ITSN1: variants seen among roughly 807,000 people sequenced by gnomAD.
ITSN1 encodes the protein intersectin-1.
A neutral mutation model predicts 239.8 loss-of-function variants in ITSN1; 58 were observed. The observed-to-expected ratio is 0.24, with a 90% CI of 0.20 to 0.30. The LOEUF (loss-of-function observed/expected upper bound fraction) is 0.30, where lower values mean the gene tolerates loss of function less well. Ranked by LOEUF, ITSN1 falls within the 10% of genes least tolerant of loss-of-function variation. The probability of loss-of-function intolerance (pLI) is 1.00; values close to 1 mark genes in which losing one functional copy is unlikely to be tolerated. For missense variants in ITSN1, 1,558 were observed against 2,103.3 expected, an observed-to-expected ratio of 0.74 and a Z score of 5.07; for synonymous variants, 780 against 770.8, an observed-to-expected ratio of 1.01 and a Z score of -0.20.
chr21:33,758,406 C>T (rs940246892), intron 8 of ITSN1, among the ~76,000 whole-genome samples: 8 of 152,212 alleles, frequency 5.3e-5, no homozygotes, highest in African/African-American at 1.7e-4. Context: ...TGAGCCACCG[C>T]GTCTGGCCTT....
intron 5 of ITSN1, among the ~76,000 whole-genome samples, chr21:33,745,353 G>A (rs2067117406): frequency 1.3e-5 from 2 of 152,316 alleles, no homozygotes; most frequent in Middle Eastern, 3.4e-3. Flanking sequence ...AGAGGGGACT[G>A]TGGATTAAAG....
intron 1 of ITSN1, among the ~76,000 whole-genome samples, chr21:33,659,705 C>CTT (rs71194859): frequency 0.032 from 2,469 of 76,486 alleles, 250 homozygotes; most frequent in Non-Finnish European, 0.045. Context: ...GCAGCCTGTA[C>CTT]TTTTTTTTTT....
At chr21:33,815,202 G>A (rs1427511384) in intron 22 of ITSN1, among the ~76,000 whole-genome samples, 1 of 152,164 alleles carries the variant, frequency 6.6e-6, no homozygotes, top group African/African-American at 2.4e-5. Context: ...CGGATATCAG[G>A]AAATGTGTGA....
intron 29 of ITSN1, among the ~76,000 whole-genome samples, chr21:33,854,291 C>T (rs182645995): frequency 1.3e-5 from 2 of 152,298 alleles, no homozygotes; most frequent in African/African-American, 2.4e-5. Flanking sequence ...ATCACCGCAC[C>T]GTGTTTGTGC....
In ITSN1 at chr21:33,872,065, G is replaced by A. The variant is rs118028813; in HGVS notation, c.4174-3289G>A. Among the ~76,000 whole-genome samples the A allele has an allele frequency of 4.6e-5, 7 of 152,326 alleles. No homozygotes were observed. The East Asian group carries it at 1.2e-3, about 25-fold the overall frequency. On this transcript the variant is annotated intron_variant, in intron 33 of 39. Transcript: ENST00000381318. ...AATGTACAAAAAGTTCACACTCACA[G>A]GTAATAAAAGAAAATACATAACAAA...
At chr21:33,713,828 C>CTTTTTTTTTTTTTTTTTTTTTTT (rs35226795) in intron 1 of ITSN1, among the ~76,000 whole-genome samples, 1 of 89,364 alleles carries the variant, frequency 1.1e-5, no homozygotes, top group Non-Finnish European at 1.9e-5. Context: ...CCAGCCTCAT[C>CTTTTTTTTTTTTTTTTTTTTTTT]TTTTTTTTTT....
intron 31 of ITSN1, among the ~76,000 whole-genome samples, chr21:33,859,716 G>A (rs915626132): frequency 3.3e-5 from 5 of 152,194 alleles, no homozygotes; most frequent in African/African-American, 1.2e-4. Flanking sequence ...CCACTTTCCT[G>A]AGCGTGTGTT....
chr21:33,853,602 G>A (rs768240161), intron 29 of ITSN1, among the ~76,000 whole-genome samples: 14 of 152,146 alleles, frequency 9.2e-5, no homozygotes, highest in Non-Finnish European at 1.0e-4. Flanking sequence ...CATTCTACGC[G>A]TGTCTGCTGG....
At chr21:33,678,701 G>T (rs1384247679) in intron 1 of ITSN1, among the ~76,000 whole-genome samples, 1 of 152,018 alleles carries the variant, frequency 6.6e-6, no homozygotes, top group Non-Finnish European at 1.5e-5. Context: ...CAAAGTTTTT[G>T]TTGTTGTTGT....
intron 14 of ITSN1, among the ~76,000 whole-genome samples, chr21:33,778,912 A>T (rs1164800963): frequency 6.6e-6 from 1 of 152,034 alleles, no homozygotes; most frequent in African/African-American, 2.4e-5. Context: ...AGTCTGTAGT[A>T]TCTGTAGTGA....
chr21:33,783,998 A>T (rs2070415747), intron 16 of ITSN1, among the ~76,000 whole-genome samples: 1 of 152,190 alleles, frequency 6.6e-6, no homozygotes, highest in South Asian at 2.1e-4. Flanking sequence ...TACTTTGTTT[A>T]ATTGACTATG....
intron 33 of ITSN1, among the ~76,000 whole-genome samples, chr21:33,873,972 C>A (rs560257426): frequency 9.2e-5 from 14 of 151,860 alleles, no homozygotes; most frequent in South Asian, 6.3e-4. Context: ...ACCAGCCTGG[C>A]CAGCATGGTG....
intron 1 of ITSN1, among the ~76,000 whole-genome samples, chr21:33,673,511 G>T (rs1280647624): frequency 6.6e-6 from 1 of 152,224 alleles, no homozygotes; most frequent in Non-Finnish European, 1.5e-5. Context: ...AAACAAAGAA[G>T]AGGTGCCGGT....
chr21:33,867,144 G>A lies in ITSN1; in HGVS notation c.4075-89G>A, dbSNP rs187096965. 3 of 769,302 alleles carry A rather than the reference G, an allele frequency of 3.9e-6. No individual in the cohort carries two copies. The East Asian group carries it at 7.4e-5, about 19-fold the overall frequency. 47.7% of individuals were successfully genotyped at this position (769,302 alleles called of 1,614,324 possible). The stretch of plus-strand genomic sequence containing the variant: ...GTCATCCAGATAAATGAGATAATGG[G>A]TGGAGAGTCCTCACTGACATTAGTA... On this transcript the variant is annotated intron_variant, in intron 32 of 39. Coordinates refer to ENST00000381318, the MANE Select transcript of ITSN1 (RefSeq NM_003024.3).
chr21:33,708,710 C>G (rs2092325589), intron 1 of ITSN1, among the ~76,000 whole-genome samples: 1 of 152,160 alleles, frequency 6.6e-6, no homozygotes, highest in Non-Finnish European at 1.5e-5. Flanking sequence ...ATAAATCATG[C>G]TTCCTTGTGT....
chr21:33,817,125 T>C, intron 22 of ITSN1: 2 of 1,183,310 alleles, frequency 1.7e-6, no homozygotes, highest in Admixed American at 3.6e-5. Flanking sequence ...CATTCATATA[T>C]ATGATTGAAA....
At chr21:33,766,046 G>A in intron 10 of ITSN1, 34 bp downstream of exon 10, 1 of 1,611,524 alleles carries the variant, frequency 6.2e-7, no homozygotes. Context: ...GGAATTGTAT[G>A]CGGAGTATAT....
intron 24 of ITSN1, among the ~76,000 whole-genome samples, chr21:33,822,145 G>T (rs73900371): frequency 6.6e-6 from 1 of 152,248 alleles, no homozygotes; most frequent in African/African-American, 2.4e-5. Context: ...TGGCCTCGGC[G>T]CTGACAGGTC....
At chr21:33,655,537 C>T (rs1270386578) in intron 1 of ITSN1, among the ~76,000 whole-genome samples, 1 of 151,676 alleles carries the variant, frequency 6.6e-6, no homozygotes, top group Non-Finnish European at 1.5e-5. Context: ...CCCCCCACCT[C>T]AGCCCCCAGA....
Sources: gnomAD v4.1 joint callset for allele counts (sites outside exome capture counted in the v4.1 genomes callset) on GRCh38, gnomAD v4.1.1 for gene constraint, MANE v1.5 for transcripts, NCBI Gene and HGNC (gene_info 2026-07-23, HGNC 2026-07-21) for gene names.